ZNF684: variants seen among roughly 807,000 people sequenced by gnomAD.
ZNF684 encodes hypothetical protein MGC27466.
ZNF684 carries 13 observed loss-of-function variants against 12.8 expected under a neutral mutation model. That is an observed-to-expected ratio of 1.02 (90% confidence interval 0.66 to 1.62). ZNF684 has a LOEUF of 1.62. ZNF684 is among the 40% of genes most tolerant of loss of function. The pLI is 0.00. For missense variants in ZNF684, 384 were observed against 446.9 expected, an observed-to-expected ratio of 0.86 and a Z score of 1.27; for synonymous variants, 118 against 151.8, an observed-to-expected ratio of 0.78 and a Z score of 1.64.
At position 40,540,628 on chromosome 1, in the gene ZNF684, GA is replaced by G; in HGVS notation, c.59del (p.Glu20GlyfsTer17). On this transcript the variant is annotated frameshift_variant, in exon 3 of 5. Transcript: ENST00000372699. LOFTEE classifies it high-confidence loss of function. ...GGATGTGGCTGTGGATTTCACTGCA[GA>G]GGAGTGGCAGCTGCTTGATTGTGCT... ...FQDVAVDFTA[E>X]EWQLLDCAER... The G allele has an allele frequency of 6.2e-7, 1 of 1,612,950 alleles. No homozygotes were observed. Among genetic ancestry groups the G allele is most frequent in the Non-Finnish European group, 8.5e-7 (1 of 1,179,552 alleles).
chr1:40,544,267 G>A (rs1203388546), intron 4 of ZNF684: 1 of 246,850 alleles, frequency 4.1e-6, no homozygotes, highest in Non-Finnish European at 8.3e-6. Context: ...ATGAAAGGTA[G>A]TTGGAACAGC....
At chr1:40,532,882 C>T (rs569326088) in intron 1 of ZNF684, among the ~76,000 whole-genome samples, 3 of 152,126 alleles carry the variant, frequency 2.0e-5, no homozygotes, top group Non-Finnish European at 2.9e-5. Flanking sequence ...CAAGAGGAAC[C>T]ACTTGGTGCT....
chr1:40,545,318 C>T lies in ZNF684; in HGVS notation c.239-1244C>T, dbSNP rs1281445131. On this transcript the variant is annotated intron_variant, in intron 4 of 4. Transcript: ENST00000372699. ...GCGTGGGGAATTATGACCCCCTCTC[C>T]CCAATTTTTTTTTGATGGGAACAGA... Among the ~76,000 whole-genome samples the T allele has an allele frequency of 2.6e-5, 4 of 152,080 alleles. 1 individual carries two copies. Among genetic ancestry groups the T allele is most frequent in the South Asian group, 4.1e-4 (2 of 4,820 alleles).
chr1:40,538,825 AAAACAAACAAAC>A (rs141890741), intron 2 of ZNF684, among the ~76,000 whole-genome samples: 1 of 149,882 alleles, frequency 6.7e-6, no homozygotes, highest in Non-Finnish European at 1.5e-5. Flanking sequence ...TCCATCTCAA[AAAACAAACAAAC>A]AAACAAACAA....
At chr1:40,546,124 T>C (rs1327669250) in intron 4 of ZNF684, among the ~76,000 whole-genome samples, 1 of 152,120 alleles carries the variant, frequency 6.6e-6, no homozygotes, top group Non-Finnish European at 1.5e-5. Context: ...GGTTTCACCA[T>C]GTTGGCCAGG....
chr1:40,533,310 G>A, intron 2 of ZNF684, 129 bp downstream of exon 2: 1 of 947,758 alleles, frequency 1.1e-6, no homozygotes, highest in Non-Finnish European at 1.6e-6. Context: ...TTAGAAGATT[G>A]GTAAGTTGAT....
At chr1:40,536,606 A>G (rs1201796643) in intron 2 of ZNF684, among the ~76,000 whole-genome samples, 2 of 144,036 alleles carry the variant, frequency 1.4e-5, no homozygotes, top group African/African-American at 5.1e-5. Flanking sequence ...CTGGTGCGCT[A>G]CACCCACTAA....
At chr1:40,541,199 T>G (rs1490679760) in intron 3 of ZNF684, 1 of 159,452 alleles carries the variant, frequency 6.3e-6, no homozygotes, top group African/African-American at 2.4e-5. Flanking sequence ...TCTGTTTTTT[T>G]TTTTTTTGGA....
At chr1:40,535,999 G>C (rs370660281) in intron 2 of ZNF684, among the ~76,000 whole-genome samples, 1 of 152,162 alleles carries the variant, frequency 6.6e-6, no homozygotes, top group Non-Finnish European at 1.5e-5. Context: ...GCTGACAATG[G>C]TCTTAACTAT....
chr1:40,543,659 C>G (rs141844173), intron 4 of ZNF684, among the ~76,000 whole-genome samples: 9,921 of 152,070 alleles, frequency 0.065, 527 homozygotes, highest in African/African-American at 0.15. Flanking sequence ...GGTTTCACCA[C>G]GTTAGCCAGG....
intron 2 of ZNF684, among the ~76,000 whole-genome samples, chr1:40,536,145 G>A (rs1418124679): frequency 1.3e-5 from 2 of 152,252 alleles, no homozygotes; most frequent in Non-Finnish European, 2.9e-5. Flanking sequence ...TGTAATCCCA[G>A]CACTTTGGGA....
chr1:40,545,283 G>A (rs1190656292), intron 4 of ZNF684, among the ~76,000 whole-genome samples: 3 of 152,114 alleles, frequency 2.0e-5, no homozygotes, highest in Non-Finnish European at 4.4e-5. Context: ...CCACATGGAG[G>A]AAAACTTAAG....
At chr1:40,542,291 A>G (rs1646020384) in intron 4 of ZNF684, among the ~76,000 whole-genome samples, 2 of 152,116 alleles carry the variant, frequency 1.3e-5, no homozygotes, top group Admixed American at 6.6e-5. Context: ...TTTTAGGTAC[A>G]TCATGTTCTA....
intron 2 of ZNF684, among the ~76,000 whole-genome samples, chr1:40,535,696 G>A (rs528338082): frequency 6.6e-6 from 1 of 152,096 alleles, no homozygotes; most frequent in African/African-American, 2.4e-5. Flanking sequence ...TAAAATAGCT[G>A]TCAGTAATAT....
At chr1:40,533,120 C>T (rs765520398) in intron 1 of ZNF684, 23 bp from the exon 2 acceptor site, 11 of 1,605,708 alleles carry the variant, frequency 6.9e-6, no homozygotes, top group Non-Finnish European at 9.4e-6. Flanking sequence ...TTTCTATTCT[C>T]TTCCCCATTT....
In ZNF684 at chr1:40,547,250, C is replaced by G. The variant is rs1389448123; in HGVS notation, c.927C>G (p.Gly309=). Residue 309 remains glycine, a synonymous_variant, in exon 5 of 5, where the codon GGC becomes GGG. Coordinates refer to ENST00000372699, the MANE Select transcript of ZNF684 (RefSeq NM_152373.4). ...GTATCATATGTGGCAAAGCTTTTGGCAACACATCCGTGCTTGTTACACACC... is the reference window on the plus strand; with the variant it reads ...GTATCATATGTGGCAAAGCTTTTGGGAACACATCCGTGCTTGTTACACACC... ...YQCIICGKAF[G]NTSVLVTHQR... 6.2e-7 allele frequency: 1 copy of G among 1,614,064 alleles called. No individual in the cohort carries two copies. The highest frequency in any genetic ancestry group is 8.5e-7 in the Non-Finnish European group (1 of 1,180,034).
rs913179110 is a variant in ZNF684, at chr1:40,540,571, A to G, written c.16-15A>G. ...TGATACACACTTTAGTTTGAAGATA[A>G]ATGTGCTGTTACAGGAATCAGTGAC... On this transcript the variant is annotated splice_polypyrimidine_tract_variant and intron_variant, in intron 2 of 4. Coordinates refer to ENST00000372699, the MANE Select transcript of ZNF684 (RefSeq NM_152373.4). 2 of 1,583,026 alleles carry G rather than the reference A, an allele frequency of 1.3e-6. No homozygotes were observed. The highest frequency in any genetic ancestry group is 1.4e-5 in the African/African-American group (1 of 73,592).
At chr1:40,536,139 A>C (rs558184925) in intron 2 of ZNF684, among the ~76,000 whole-genome samples, 3 of 152,296 alleles carry the variant, frequency 2.0e-5, no homozygotes, top group Admixed American at 2.0e-4. Flanking sequence ...CACGCCTGTA[A>C]TCCCAGCACT....
chr1:40,539,220 G>A (rs1355909451), intron 2 of ZNF684, among the ~76,000 whole-genome samples: 3 of 151,932 alleles, frequency 2.0e-5, no homozygotes, highest in African/African-American at 7.2e-5. Flanking sequence ...TAGTAGAGAC[G>A]GAGTTTCACC....
Sources: gnomAD v4.1 joint callset for allele counts (sites outside exome capture counted in the v4.1 genomes callset) on GRCh38, gnomAD v4.1.1 for gene constraint, MANE v1.5 for transcripts, NCBI Gene and HGNC (gene_info 2026-07-23, HGNC 2026-07-21) for gene names.